TNFRSF19: variants seen among roughly 807,000 people sequenced by gnomAD.
The protein encoded by TNFRSF19 is tumor necrosis factor receptor superfamily member 19.
A neutral mutation model predicts 46.4 loss-of-function variants in TNFRSF19; 27 were observed. The observed-to-expected ratio is 0.58, with a 90% CI of 0.43 to 0.80. The LOEUF (loss-of-function observed/expected upper bound fraction) is 0.80, where lower values mean the gene tolerates loss of function less well. Ranked by LOEUF, TNFRSF19 falls within the 30% of genes least tolerant of loss-of-function variation. The pLI, the probability that TNFRSF19 is intolerant of heterozygous loss-of-function variation, is 0.00. For missense variants in TNFRSF19, 511 were observed against 530.8 expected (o/e 0.96, Z 0.37); for synonymous variants, 204 against 205.0 (o/e 1.00, Z 0.04).
intron 9 of TNFRSF19, among the ~76,000 whole-genome samples, chr13:23,672,161 C>A (rs1361691454): frequency 1.3e-5 from 2 of 152,174 alleles, no homozygotes; most frequent in Non-Finnish European, 2.9e-5. Flanking sequence ...TTTAAGATGA[C>A]CCATAATCTG....
Position 23,667,989 on chromosome 13 carries a change from G to A in TNFRSF19, c.746G>A (p.Arg249His), listed in dbSNP as rs747702271. The change falls in exon 8 of 10, where the codon CGC (arginine) becomes CAC (histidine). Residue 249 changes from arginine to histidine, a missense_variant. Around this residue, in one of 3 missense-constraint regions of TNFRSF19, gnomAD observed 376 missense variants for 372.7 expected, o/e 1.01. Transcript: ENST00000248484. ...GTGCTGTCTTCCCTAGGGCCGGTGC[G>A]CTTGCTCCCATCCATGTGCTGTGAG... ...RDSVQTCGPV[R>H]LLPSMCCEEA... 4.4e-6 allele frequency: 7 copies of A among 1,606,178 alleles called. No homozygotes were observed. The highest frequency in any genetic ancestry group is 3.4e-5 in the South Asian group (3 of 88,886).
At chr13:23,612,941 ATGAC>A (rs1479993418) in intron 3 of TNFRSF19, among the ~76,000 whole-genome samples, 4 of 152,330 alleles carry the variant, frequency 2.6e-5, no homozygotes, top group South Asian at 2.1e-4. Context: ...CCACAGTTGA[ATGAC>A]TGACTGGCAG....
intron 1 of TNFRSF19, 64 bp from the exon 2 acceptor site, chr13:23,590,086 T>G: frequency 1.3e-6 from 1 of 749,264 alleles, no homozygotes; most frequent in South Asian, 1.7e-5. Flanking sequence ...AGATATTATA[T>G]AGTAAACAAA....
At chr13:23,654,534 C>A (rs567090624) in intron 5 of TNFRSF19, among the ~76,000 whole-genome samples, 1 of 152,184 alleles carries the variant, frequency 6.6e-6, no homozygotes, top group Non-Finnish European at 1.5e-5. Flanking sequence ...GCCATGCACA[C>A]TGGGGCAGCT....
At chr13:23,650,768 A>T (rs551528036) in intron 5 of TNFRSF19, among the ~76,000 whole-genome samples, 9 of 152,238 alleles carry the variant, frequency 5.9e-5, no homozygotes, top group Non-Finnish European at 1.3e-4. Context: ...AAATGTAGTT[A>T]TGGATATAAA....
intron 1 of TNFRSF19, among the ~76,000 whole-genome samples, chr13:23,583,930 T>G (rs9553005): frequency 0.088 from 13,377 of 152,276 alleles, 621 homozygotes; most frequent in East Asian, 0.18. Flanking sequence ...ACAGTATGCT[T>G]GTTGACTGAA....
intron 1 of TNFRSF19, among the ~76,000 whole-genome samples, chr13:23,576,115 G>A (rs532894027): frequency 5.8e-4 from 88 of 151,904 alleles, no homozygotes; most frequent in Non-Finnish European, 1.1e-3. Context: ...CATTTTGCAT[G>A]AGCCTAAGGA....
At chr13:23,643,524 A>T (rs1883145151) in intron 5 of TNFRSF19, among the ~76,000 whole-genome samples, 1 of 152,256 alleles carries the variant, frequency 6.6e-6, no homozygotes, top group African/African-American at 2.4e-5. Flanking sequence ...TGAGAATTAA[A>T]TGTGAGAGGA....
chr13:23,671,173 AACTC>A (rs1392869237), intron 9 of TNFRSF19, among the ~76,000 whole-genome samples: 1 of 152,162 alleles, frequency 6.6e-6, no homozygotes, highest in African/African-American at 2.4e-5. Flanking sequence ...ATGACTTACT[AACTC>A]TTTTTCAAAG....
At chr13:23,590,639 A>G (rs1879205163) in intron 2 of TNFRSF19, among the ~76,000 whole-genome samples, 2 of 152,040 alleles carry the variant, frequency 1.3e-5, no homozygotes. Flanking sequence ...CCAGCCCAAA[A>G]TTATTTTCTA....
intron 3 of TNFRSF19, among the ~76,000 whole-genome samples, chr13:23,608,138 G>A (rs1880640993): frequency 6.6e-6 from 1 of 152,166 alleles, no homozygotes; most frequent in Non-Finnish European, 1.5e-5. Flanking sequence ...TAGGTATTAA[G>A]AAGTCTGCAC....
In TNFRSF19 at chr13:23,674,387, CA is replaced by C. The variant is rs1951798133; in HGVS notation, c.*1009del. The C allele has an allele frequency of 6.6e-6, 1 of 152,182 alleles. No individual in the cohort carries two copies. The highest frequency in any genetic ancestry group is 1.5e-5 in the Non-Finnish European group (1 of 68,034). 9.4% of individuals were successfully genotyped at this position (152,182 alleles called of 1,614,324 possible). On this transcript the variant is annotated 3_prime_UTR_variant, in exon 10 of 10. Coordinates refer to ENST00000248484, the MANE Select transcript of TNFRSF19 (RefSeq NM_148957.4). ...CATGTTAGGACTAGAAGAAAATGCA[CA>C]ATTTGTAGGGGTTTGGATGAAGCAG...
chr13:23,614,012 C>A (rs1431078283), intron 3 of TNFRSF19, among the ~76,000 whole-genome samples: 1 of 152,224 alleles, frequency 6.6e-6, no homozygotes, highest in Non-Finnish European at 1.5e-5. Context: ...TAATCTTCCC[C>A]TCCTCTGAAA....
intron 1 of TNFRSF19, chr13:23,585,593 C>T (rs1878767628): frequency 6.6e-6 from 1 of 152,204 alleles, no homozygotes; most frequent in South Asian, 2.1e-4. Flanking sequence ...TCCCTTAGAA[C>T]TCTGAGAAGT....
At position 23,659,072 on chromosome 13, in the gene TNFRSF19, G is replaced by A; in HGVS notation, c.468G>A (p.Val156=). 1 of 1,613,932 alleles carries A rather than the reference G, an allele frequency of 6.2e-7. No individual in the cohort carries two copies. The highest frequency in any genetic ancestry group is 1.1e-5 in the South Asian group (1 of 91,082). ...EPHCASKVNL[V]KIASTASSPR... Reference sequence around the variant, plus strand: ...CAGGTGCCAGCAAGGTCAACCTCGTGAAGATCGCGTCCACGGCCTCCAGCC... The same window carrying A: ...CAGGTGCCAGCAAGGTCAACCTCGTAAAGATCGCGTCCACGGCCTCCAGCC... The change falls in exon 6 of 10, where the codon GTG becomes GTA. Residue 156 remains valine, a synonymous_variant. Coordinates refer to ENST00000248484, the MANE Select transcript of TNFRSF19 (RefSeq NM_148957.4). This position sits in a 1 kb window ranked among gnomAD's most constrained non-coding sequence, Gnocchi z 4.9.
rs774998621 is a variant in TNFRSF19, at chr13:23,589,535, G to A, written c.-34-615G>A. Among the ~76,000 whole-genome samples the A allele has an allele frequency of 3.9e-5, 6 of 152,194 alleles. 1 individual carries two copies. The highest frequency in any genetic ancestry group is 9.7e-5 in the African/African-American group (4 of 41,438). ...TTAATAGCACATTGTCTGTCAGGGCGTATGTGACACAGGAGCTGTAGAAAG... is the reference window on the plus strand; with the variant it reads ...TTAATAGCACATTGTCTGTCAGGGCATATGTGACACAGGAGCTGTAGAAAG... On this transcript the variant is annotated intron_variant, in intron 1 of 9. Transcript: ENST00000248484.
At chr13:23,632,455 C>T (rs894480818) in intron 5 of TNFRSF19, among the ~76,000 whole-genome samples, 1 of 152,136 alleles carries the variant, frequency 6.6e-6, no homozygotes, top group African/African-American at 2.4e-5. Context: ...CCCAACCAGG[C>T]CTCCCTGGGA....
At chr13:23,582,257 C>T (rs1275373221) in intron 1 of TNFRSF19, among the ~76,000 whole-genome samples, 8 of 146,750 alleles carry the variant, frequency 5.5e-5, no homozygotes, top group Admixed American at 1.4e-4. Context: ...AAAAATTAGC[C>T]GGGCGTGGTG....
chr13:23,587,195 T>C (rs1203122731), intron 1 of TNFRSF19, among the ~76,000 whole-genome samples: 1 of 152,218 alleles, frequency 6.6e-6, no homozygotes, highest in African/African-American at 2.4e-5. Flanking sequence ...ATAATTTTAA[T>C]AAATAACCTT....
Sources: gnomAD v4.1 joint callset for allele counts (sites outside exome capture counted in the v4.1 genomes callset) on GRCh38, gnomAD v4.1.1 for gene constraint, gnomAD v4.1.1 regional missense constraint, Gnocchi (gnomAD v3.1) non-coding constraint, MANE v1.5 for transcripts, NCBI Gene and HGNC (gene_info 2026-07-23, HGNC 2026-07-21) for gene names.